Variants in LDB2 observed in about 807,000 individuals in gnomAD.
LDB2 encodes LIM domain-binding protein 2.
In LDB2, 12 loss-of-function variants were observed where a neutral mutation model predicts 44.3. The observed-to-expected ratio is 0.27, with a 90% confidence interval of 0.17 to 0.44. The LOEUF (loss-of-function observed/expected upper bound fraction) is 0.44, where lower values mean the gene tolerates loss of function less well. LDB2 is among the 20% of genes least tolerant of loss of function. The probability of loss-of-function intolerance (pLI) is 1.00; values close to 1 mark genes in which losing one functional copy is unlikely to be tolerated. For synonymous variants in LDB2, 164 were observed against 174.8 expected (o/e 0.94, Z 0.49); for missense variants, 344 against 473.5 (o/e 0.73, Z 2.54).
chr4:16,508,882 C>T lies in LDB2; in HGVS notation c.740-196G>A, dbSNP rs949391510. Among the ~76,000 whole-genome samples, 7 of 152,054 alleles carry T rather than the reference C, an allele frequency of 4.6e-5. No homozygotes were observed. The East Asian group carries it at 1.3e-3, about 29-fold the overall frequency. ...TTTTTAGCACAAAATATGTGACACT[C>T]TTTTCTTTGTGTGTAGATCAAATAA... On this transcript the variant is annotated intron_variant, in intron 6 of 7. Coordinates refer to ENST00000304523, the MANE Select transcript of LDB2 (RefSeq NM_001290.5).
chr4:16,827,873 G>C (rs890243239), intron 1 of LDB2, among the ~76,000 whole-genome samples: 5 of 152,144 alleles, frequency 3.3e-5, no homozygotes, highest in East Asian at 3.9e-4. Context: ...CAGACCTCCC[G>C]ACCCTTTCAG....
intron 5 of LDB2, among the ~76,000 whole-genome samples, chr4:16,514,611 T>G (rs1722966905): frequency 6.6e-6 from 1 of 152,180 alleles, no homozygotes. Flanking sequence ...CTCACCCCAT[T>G]TAAGGGCCAG....
chr4:16,672,782 T>A (rs1300418336), intron 2 of LDB2, among the ~76,000 whole-genome samples: 1 of 152,082 alleles, frequency 6.6e-6, no homozygotes, highest in Non-Finnish European at 1.5e-5. Context: ...GAGAGAATGT[T>A]TTCTTCAAGG....
intron 1 of LDB2, among the ~76,000 whole-genome samples, chr4:16,876,201 A>G (rs1235581974): frequency 1.3e-5 from 2 of 152,222 alleles, no homozygotes; most frequent in African/African-American, 4.8e-5. Flanking sequence ...TACGTGCAAC[A>G]ATTTCATAAA....
chr4:16,503,360 G>A (rs1718056509), intron 7 of LDB2, among the ~76,000 whole-genome samples: 2 of 152,036 alleles, frequency 1.3e-5, no homozygotes, highest in Non-Finnish European at 2.9e-5. Context: ...CATTCCAAAC[G>A]GTATTTTCTC....
At chr4:16,805,288 G>A (rs983303763) in intron 1 of LDB2, among the ~76,000 whole-genome samples, 1 of 152,178 alleles carries the variant, frequency 6.6e-6, no homozygotes, top group African/African-American at 2.4e-5. Flanking sequence ...GGTCCATAAT[G>A]TGGACTTCAA....
chr4:16,737,190 T>TA (rs1380586060), intron 2 of LDB2, among the ~76,000 whole-genome samples: 2 of 152,140 alleles, frequency 1.3e-5, no homozygotes, highest in African/African-American at 4.8e-5. Flanking sequence ...TCTTTAAATG[T>TA]AAAACCTATA....
intron 5 of LDB2, among the ~76,000 whole-genome samples, chr4:16,520,582 A>G (rs1725676745): frequency 6.6e-6 from 1 of 152,182 alleles, no homozygotes; most frequent in Non-Finnish European, 1.5e-5. Flanking sequence ...TTGCAAATTG[A>G]TTACTCATGA....
At chr4:16,585,893 A>G in intron 5 of LDB2, 29 bp downstream of exon 5, 1 of 1,584,506 alleles carries the variant, frequency 6.3e-7, no homozygotes, top group Non-Finnish European at 8.7e-7. Context: ...CAAACTCACC[A>G]AAAAATAAAA....
At chr4:16,659,640 T>C (rs1222749921) in intron 2 of LDB2, among the ~76,000 whole-genome samples, 4 of 100,174 alleles carry the variant, frequency 4.0e-5, no homozygotes, top group Non-Finnish European at 9.5e-5. Context: ...TTTATATATA[T>C]ACACACACAC....
chr4:16,773,303 C>A (rs1204086191), intron 1 of LDB2, among the ~76,000 whole-genome samples: 1 of 152,136 alleles, frequency 6.6e-6, no homozygotes, highest in Non-Finnish European at 1.5e-5. Context: ...GATTCAAGTG[C>A]ATTACATTCA....
intron 1 of LDB2, among the ~76,000 whole-genome samples, chr4:16,812,408 C>G (rs1023290498): frequency 6.6e-6 from 1 of 151,910 alleles, no homozygotes; most frequent in Non-Finnish European, 1.5e-5. Context: ...AAAGTTTTAA[C>G]ATACGGTTGC....
chr4:16,523,104 A>G (rs1168717011), intron 5 of LDB2, among the ~76,000 whole-genome samples: 2 of 152,204 alleles, frequency 1.3e-5, no homozygotes, highest in Admixed American at 6.5e-5. Context: ...AACAGTACCA[A>G]TGGGGTATGT....
chr4:16,672,728 G>GA (rs1745133267), intron 2 of LDB2, among the ~76,000 whole-genome samples: 1 of 152,040 alleles, frequency 6.6e-6, no homozygotes, highest in South Asian at 2.1e-4. Flanking sequence ...CTCAGGTCAG[G>GA]AAAATCACAA....
chr4:16,897,763 CAT>C (rs1725467432), intron 1 of LDB2, among the ~76,000 whole-genome samples: 2 of 151,826 alleles, frequency 1.3e-5, no homozygotes, highest in South Asian at 4.1e-4. Context: ...AATATACAAA[CAT>C]GTGTCCCTCC....
At chr4:16,812,931 T>C (rs1233346463) in intron 1 of LDB2, among the ~76,000 whole-genome samples, 1 of 151,992 alleles carries the variant, frequency 6.6e-6, no homozygotes, top group Non-Finnish European at 1.5e-5. Flanking sequence ...ATATTACCAA[T>C]GGGACACAGA....
At chr4:16,635,789 T>C (rs1733428856) in intron 2 of LDB2, among the ~76,000 whole-genome samples, 1 of 152,222 alleles carries the variant, frequency 6.6e-6, no homozygotes, top group South Asian at 2.1e-4. Flanking sequence ...ATGTGCTGTT[T>C]CTAATCTTCT....
Position 16,595,303 on chromosome 4 carries a change from T to A in LDB2, c.408+400A>T, listed in dbSNP as rs1367537403. Among the ~76,000 whole-genome samples the A allele has an allele frequency of 2.6e-5, 4 of 152,180 alleles. No individual in the cohort carries two copies. The South Asian group carries it at 8.3e-4, about 32-fold the overall frequency. ...TAGAGGATTCTTCCCTTATTCAAAT[T>A]TGAATCCAGCTCTAAAAAGTTATTT... On this transcript the variant is annotated intron_variant, in intron 3 of 7. Transcript: ENST00000304523.
chr4:16,832,433 C>A (rs1466416438), intron 1 of LDB2, among the ~76,000 whole-genome samples: 1 of 152,146 alleles, frequency 6.6e-6, no homozygotes, highest in African/African-American at 2.4e-5. Context: ...TGTTATCTGG[C>A]AGCATTACAT....
Sources: gnomAD v4.1 joint callset for allele counts (sites outside exome capture counted in the v4.1 genomes callset) on GRCh38, gnomAD v4.1.1 for gene constraint, MANE v1.5 for transcripts, NCBI Gene and HGNC (gene_info 2026-07-23, HGNC 2026-07-21) for gene names.